The following TNFRSF10C variants were observed in gnomAD, a reference collection of about 807,000 sequenced individuals.
The protein encoded by TNFRSF10C is TNF receptor superfamily member 10c, also known as tumor necrosis factor receptor superfamily member 10C.
A neutral mutation model predicts 16.7 loss-of-function variants in TNFRSF10C; 17 were observed. That is an observed-to-expected ratio of 1.02 (90% confidence interval 0.70 to 1.53). The LOEUF (loss-of-function observed/expected upper bound fraction) is 1.53. TNFRSF10C is among the 40% of genes most tolerant of loss of function. The pLI is 0.00. For missense variants in TNFRSF10C, 237 were observed against 329.7 expected, an observed-to-expected ratio of 0.72 and a Z score of 2.18; for synonymous variants, 73 against 119.7, an observed-to-expected ratio of 0.61 and a Z score of 2.55.
rs180786997 is a variant in TNFRSF10C, at chr8:23,106,725, G to A, written c.60+3544G>A. Among the ~76,000 whole-genome samples the A allele has an allele frequency of 8.6e-5, 13 of 151,798 alleles. No individual in the cohort carries two copies. The East Asian group carries it at 2.0e-3, about 23-fold the overall frequency. On this transcript the variant is annotated intron_variant, in intron 1 of 4. Coordinates refer to ENST00000356864, the MANE Select transcript of TNFRSF10C (RefSeq NM_003841.5). ...TTGTCAGCTGGGTGCGGTGGCTCACGCCTGTAATCCCAGCACTTCGGGAGG... is the reference window on the plus strand; with the variant it reads ...TTGTCAGCTGGGTGCGGTGGCTCACACCTGTAATCCCAGCACTTCGGGAGG...
At chr8:23,104,760 T>G (rs1184150312) in intron 1 of TNFRSF10C, among the ~76,000 whole-genome samples, 1 of 152,208 alleles carries the variant, frequency 6.6e-6, no homozygotes, top group Non-Finnish European at 1.5e-5. Context: ...CACATTGCTA[T>G]GTATTTTTGT....
intron 2 of TNFRSF10C, among the ~76,000 whole-genome samples, chr8:23,113,736 C>T (rs192032612): frequency 4.2e-4 from 64 of 152,274 alleles, no homozygotes; most frequent in Non-Finnish European, 6.6e-4. Flanking sequence ...TACGATGCCT[C>T]CATCTTTGTT....
intron 1 of TNFRSF10C, among the ~76,000 whole-genome samples, chr8:23,107,304 T>G (rs530651358): frequency 6.6e-6 from 1 of 152,322 alleles, no homozygotes; most frequent in Admixed American, 6.5e-5. Context: ...ACCAATCTAT[T>G]CTGACAAAAA....
intron 1 of TNFRSF10C, among the ~76,000 whole-genome samples, chr8:23,105,183 G>C (rs1221014102): frequency 6.6e-6 from 1 of 152,186 alleles, no homozygotes; most frequent in Non-Finnish European, 1.5e-5. Flanking sequence ...GCCCTGCCGT[G>C]CTCCCCCTCT....
chr8:23,103,325 CAG>C (rs1318309026), intron 1 of TNFRSF10C, 144 bp downstream of exon 1: 4 of 1,433,982 alleles, frequency 2.8e-6, no homozygotes, highest in East Asian at 2.5e-5. Context: ...CCGTCGGAGT[CAG>C]GGGAAGAACT....
chr8:23,114,810 G>A, intron 3 of TNFRSF10C, 40 bp downstream of exon 3: 4 of 1,566,418 alleles, frequency 2.6e-6, no homozygotes, highest in Non-Finnish European at 3.5e-6. Flanking sequence ...GGTGGAGCGT[G>A]GGGCAATGAG....
At chr8:23,103,229 C>T (rs1209901974) in intron 1 of TNFRSF10C, 48 bp downstream of exon 1, 1 of 1,588,892 alleles carries the variant, frequency 6.3e-7, no homozygotes, top group Middle Eastern at 1.7e-4. Context: ...CACCTGGCGC[C>T]GGGAGGGGGC....
intron 1 of TNFRSF10C, among the ~76,000 whole-genome samples, chr8:23,111,195 T>C (rs188200254): frequency 6.6e-6 from 1 of 151,834 alleles, no homozygotes; most frequent in Admixed American, 6.6e-5. Flanking sequence ...TACATAAGTG[T>C]TTTTCTTTTT....
intron 1 of TNFRSF10C, among the ~76,000 whole-genome samples, chr8:23,108,033 G>C (rs1057079132): frequency 6.6e-6 from 1 of 152,202 alleles, no homozygotes; most frequent in South Asian, 2.1e-4. Context: ...ATCCGTATGC[G>C]TCCACAGCAC....
intron 2 of TNFRSF10C, among the ~76,000 whole-genome samples, chr8:23,113,849 G>A (rs1460338748): frequency 5.3e-5 from 8 of 151,876 alleles, no homozygotes; most frequent in Admixed American, 2.6e-4. Context: ...CCAGCTACTC[G>A]GGAGGCTGAG....
intron 4 of TNFRSF10C, 91 bp from the exon 5 acceptor site, chr8:23,116,549 AG>A: frequency 1.3e-6 from 2 of 1,507,308 alleles, no homozygotes. Context: ...ACACCTTCTC[AG>A]GGACATTGGA....
At chr8:23,116,564 G>A (rs1813986514) in intron 4 of TNFRSF10C, 77 bp from the exon 5 acceptor site, 3 of 1,540,714 alleles carry the variant, frequency 1.9e-6, no homozygotes, top group Admixed American at 1.8e-5. Context: ...CATTGGAGAG[G>A]GAGGGTGGCT....
intron 1 of TNFRSF10C, among the ~76,000 whole-genome samples, chr8:23,107,728 G>GGTAT (rs1813804309): frequency 6.6e-6 from 1 of 152,184 alleles, no homozygotes; most frequent in African/African-American, 2.4e-5. Context: ...TAAACTTACA[G>GGTAT]GTCTATTTCA....
intron 1 of TNFRSF10C, among the ~76,000 whole-genome samples, chr8:23,110,433 G>T (rs1443893959): frequency 1.3e-5 from 2 of 152,134 alleles, no homozygotes; most frequent in African/African-American, 4.8e-5. Flanking sequence ...TTAAAGAAAA[G>T]TTACAAAAAC....
intron 1 of TNFRSF10C, among the ~76,000 whole-genome samples, chr8:23,106,083 A>G (rs1813769639): frequency 6.6e-6 from 1 of 152,212 alleles, no homozygotes; most frequent in African/African-American, 2.4e-5. Context: ...TGATTCATCC[A>G]GGAAGTAAAC....
intron 2 of TNFRSF10C, 123 bp from the exon 3 acceptor site, chr8:23,114,534 G>T (rs1187778992): frequency 1.4e-6 from 1 of 724,878 alleles, no homozygotes; most frequent in Non-Finnish European, 2.4e-6. Context: ...ACAAGACCAA[G>T]CCTGGAAGAG....
chr8:23,108,736 A>G (rs934745966), intron 1 of TNFRSF10C, among the ~76,000 whole-genome samples: 1 of 152,230 alleles, frequency 6.6e-6, no homozygotes. Context: ...AAATGCCAGT[A>G]AAGTGGCAAG....
chr8:23,109,701 A>G (rs574005196), intron 1 of TNFRSF10C, among the ~76,000 whole-genome samples: 3 of 152,236 alleles, frequency 2.0e-5, no homozygotes, highest in South Asian at 2.1e-4. Flanking sequence ...ATCATAAAAT[A>G]TAAGTGTAAA....
chr8:23,111,075 C>T (rs1350641186), intron 1 of TNFRSF10C, among the ~76,000 whole-genome samples: 1 of 152,086 alleles, frequency 6.6e-6, no homozygotes, highest in African/African-American at 2.4e-5. Flanking sequence ...TGTGAATAGC[C>T]ACTGCATTCC....
Sources: gnomAD v4.1 joint callset for allele counts (sites outside exome capture counted in the v4.1 genomes callset) on GRCh38, gnomAD v4.1.1 for gene constraint, MANE v1.5 for transcripts, NCBI Gene and HGNC (gene_info 2026-07-23, HGNC 2026-07-21) for gene names.